The following PLCL2 variants were observed in gnomAD, a reference collection of about 807,000 sequenced individuals.
PLCL2 encodes the protein phospholipase C like 2.
A neutral mutation model predicts 79.6 loss-of-function variants in PLCL2; 4 were observed. The observed-to-expected ratio is 0.05, with a 90% CI of 0.02 to 0.11. The LOEUF is 0.11. Ranked by LOEUF, PLCL2 falls within the 10% of genes least tolerant of loss-of-function variation. The probability of loss-of-function intolerance (pLI) is 1.00; values close to 1 mark genes in which losing one functional copy is unlikely to be tolerated. For missense variants in PLCL2, 895 were observed against 1,291.0 expected (o/e 0.69, Z 4.70); for synonymous variants, 484 against 457.7 (o/e 1.06, Z -0.73).
chr3:17,088,995 T>C (rs1297692242), intron 5 of PLCL2, among the ~76,000 whole-genome samples: 2 of 152,244 alleles, frequency 1.3e-5, no homozygotes, highest in African/African-American at 4.8e-5. Flanking sequence ...TCACTCTTTC[T>C]TTCAGCAAAT....
At chr3:16,921,336 T>A (rs1697120408) in intron 1 of PLCL2, among the ~76,000 whole-genome samples, 1 of 152,226 alleles carries the variant, frequency 6.6e-6, no homozygotes, top group Non-Finnish European at 1.5e-5. Context: ...GCTTTCAATA[T>A]CGTGACCAAG....
chr3:16,898,979 T>G (rs1696556134), intron 1 of PLCL2, among the ~76,000 whole-genome samples: 1 of 152,252 alleles, frequency 6.6e-6, no homozygotes, highest in South Asian at 2.1e-4. Flanking sequence ...CATTTGGCAG[T>G]AATACTTGGC....
intron 1 of PLCL2, among the ~76,000 whole-genome samples, chr3:16,915,085 A>ATTTG (rs1324242825): frequency 1.2e-4 from 19 of 152,210 alleles, no homozygotes; most frequent in Admixed American, 5.2e-4. Flanking sequence ...GGAAATGAAG[A>ATTTG]TTTGATCTGC....
chr3:16,988,099 G>A (rs2064068305), intron 1 of PLCL2, among the ~76,000 whole-genome samples: 1 of 152,162 alleles, frequency 6.6e-6, no homozygotes, highest in South Asian at 2.1e-4. Context: ...CCAAGTTGTA[G>A]TCCAATGAAG....
At chr3:17,081,220 GC>G (rs981972884) in intron 5 of PLCL2, 1 of 456,564 alleles carries the variant, frequency 2.2e-6, no homozygotes, top group Non-Finnish European at 4.4e-6. Flanking sequence ...GTATTTTTGT[GC>G]CTCAGACTCC....
intron 1 of PLCL2, among the ~76,000 whole-genome samples, chr3:16,932,848 C>CT (rs1697439923): frequency 6.6e-6 from 1 of 152,196 alleles, no homozygotes; most frequent in Non-Finnish European, 1.5e-5. Flanking sequence ...GCCATGATGG[C>CT]TGTTCCAAGT....
At chr3:16,931,459 G>C (rs932746970) in intron 1 of PLCL2, among the ~76,000 whole-genome samples, 27 of 152,056 alleles carry the variant, frequency 1.8e-4, no homozygotes, top group African/African-American at 6.3e-4. Context: ...TAAATGTTCT[G>C]TTCCTATAAA....
At chr3:16,897,679 G>T (rs1175393564) in intron 1 of PLCL2, among the ~76,000 whole-genome samples, 2 of 152,228 alleles carry the variant, frequency 1.3e-5, no homozygotes, top group African/African-American at 4.8e-5. Flanking sequence ...GAACCATCTG[G>T]TGATGCTCCA....
chr3:16,930,924 C>T (rs1433015431), intron 1 of PLCL2, among the ~76,000 whole-genome samples: 4 of 152,176 alleles, frequency 2.6e-5, no homozygotes, highest in Admixed American at 6.5e-5. Flanking sequence ...TTTGACTACT[C>T]CATTTTCCAA....
Position 17,089,828 on chromosome 3 carries a change from A to C in PLCL2, c.3300A>C (p.Pro1100=). 6.2e-7 allele frequency: 1 copy of C among 1,614,090 alleles called. No homozygotes were observed. Among genetic ancestry groups the C allele is most frequent in the Non-Finnish European group, 8.5e-7 (1 of 1,179,914 alleles). Residue 1100 remains proline, a synonymous_variant, in exon 6 of 6, where the codon CCA becomes CCC. Transcript: ENST00000615277. ...FAAVSCGLNK[P]GTENADVQKP... ...CTGTTTCATGTGGACTGAATAAACC[A>C]GGCACCGAAAATGCTGATGTCCAGA...
intron 1 of PLCL2, among the ~76,000 whole-genome samples, chr3:16,965,613 GTA>G (rs1292017715): frequency 6.6e-6 from 1 of 152,008 alleles, no homozygotes; most frequent in Non-Finnish European, 1.5e-5. Flanking sequence ...ACCTTGGGCA[GTA>G]TGGCCATTTT....
At chr3:17,055,863 C>A (rs560128176) in intron 4 of PLCL2, among the ~76,000 whole-genome samples, 16 of 152,278 alleles carry the variant, frequency 1.1e-4, no homozygotes, top group African/African-American at 3.9e-4. Flanking sequence ...AGGCATGCAC[C>A]AGCTGTGTGA....
At chr3:17,073,960 C>G (rs747226371) in intron 5 of PLCL2, among the ~76,000 whole-genome samples, 5 of 152,180 alleles carry the variant, frequency 3.3e-5, no homozygotes, top group African/African-American at 4.8e-5. Context: ...CAACTTCCTC[C>G]AAAATCAGCT....
chr3:17,053,231 T>TGTAG (rs2064859880), intron 4 of PLCL2, among the ~76,000 whole-genome samples: 1 of 152,178 alleles, frequency 6.6e-6, no homozygotes, highest in South Asian at 2.1e-4. Flanking sequence ...TCAGCTTCTG[T>TGTAG]GTAGGTCTCA....
At chr3:16,913,021 T>G (rs1453033789) in intron 1 of PLCL2, among the ~76,000 whole-genome samples, 1 of 152,164 alleles carries the variant, frequency 6.6e-6, no homozygotes, top group East Asian at 1.9e-4. Flanking sequence ...TTTCACAGTT[T>G]CCAGATTAGT....
chr3:17,032,910 C>T (rs757371736), intron 3 of PLCL2, among the ~76,000 whole-genome samples: 12 of 152,062 alleles, frequency 7.9e-5, no homozygotes, highest in Non-Finnish European at 1.6e-4. Flanking sequence ...ATATGGCCCG[C>T]TTCTAAGTGT....
intron 1 of PLCL2, among the ~76,000 whole-genome samples, chr3:16,950,644 T>C (rs1490816902): frequency 1.3e-5 from 2 of 152,036 alleles, no homozygotes; most frequent in Non-Finnish European, 2.9e-5. Context: ...TACCATCTCA[T>C]CATTAACTAA....
chr3:16,903,905 T>C (rs1253887512), intron 1 of PLCL2, among the ~76,000 whole-genome samples: 5 of 152,248 alleles, frequency 3.3e-5, no homozygotes, highest in Non-Finnish European at 7.3e-5. Flanking sequence ...AGCCTGCACC[T>C]GGGTGAGCCC....
At chr3:17,079,978 T>TA (rs1368552474) in intron 5 of PLCL2, among the ~76,000 whole-genome samples, 1 of 152,136 alleles carries the variant, frequency 6.6e-6, no homozygotes, top group Non-Finnish European at 1.5e-5. Context: ...GAGCTGTGCT[T>TA]AGAGGGCTCT....
Sources: allele counts gnomAD v4.1 joint callset (sites outside exome capture counted in the v4.1 genomes callset), GRCh38; gene constraint gnomAD v4.1.1; transcripts MANE v1.5; gene names NCBI Gene and HGNC (gene_info 2026-07-23, HGNC 2026-07-21).